LHFPL6: variants seen among roughly 807,000 people sequenced by gnomAD.
LHFPL6 encodes the protein LHFPL tetraspan subfamily member 6 protein.
LHFPL6 carries 9 observed loss-of-function variants against 20.6 expected under a neutral mutation model. The ratio of observed to expected loss-of-function variants is 0.44; its 90% CI spans 0.26 to 0.76. LHFPL6 has a LOEUF of 0.76. Ranked by LOEUF, LHFPL6 falls within the 30% of genes least tolerant of loss-of-function variation. The pLI is 0.20. For synonymous variants in LHFPL6, 105 were observed against 98.7 expected (o/e 1.06, Z -0.38); for missense variants, 218 against 253.5 (o/e 0.86, Z 0.95).
intron 2 of LHFPL6, among the ~76,000 whole-genome samples, chr13:39,406,385 T>C (rs186186897): frequency 3.2e-4 from 48 of 152,350 alleles, no homozygotes; most frequent in Admixed American, 2.9e-3. Flanking sequence ...ATATTAACAA[T>C]TGCTTTTAGG....
chr13:39,474,230 T>C (rs564028297), intron 2 of LHFPL6, among the ~76,000 whole-genome samples: 2 of 152,364 alleles, frequency 1.3e-5, no homozygotes, highest in South Asian at 4.1e-4. Context: ...AATATCACTT[T>C]GGAAAGAAAA....
rs532510360 is a variant in LHFPL6, at chr13:39,505,333, T to C, written c.385+95499A>G. On this transcript the variant is annotated intron_variant, in intron 2 of 3. Coordinates refer to ENST00000379589, the MANE Select transcript of LHFPL6 (RefSeq NM_005780.3). ...AATCTCAGTGGAACTCAGAACATAA[T>C]TGATGTCAGGAATCTGTCAACTCAA... is the stretch of plus-strand genomic sequence containing the variant. Among the ~76,000 whole-genome samples, 33 of 152,206 alleles carry C rather than the reference T, an allele frequency of 2.2e-4. No individual in the cohort carries two copies. The South Asian group carries it at 6.4e-3, about 30-fold the overall frequency.
chr13:39,438,435 C>T (rs1282269490), intron 2 of LHFPL6, among the ~76,000 whole-genome samples: 8 of 152,182 alleles, frequency 5.3e-5, no homozygotes, highest in African/African-American at 1.2e-4. Context: ...GGAAACTTTG[C>T]GTCTTGGCCA....
At chr13:39,381,394 GT>G (rs1870432582) in intron 2 of LHFPL6, among the ~76,000 whole-genome samples, 1 of 152,146 alleles carries the variant, frequency 6.6e-6, no homozygotes, top group Non-Finnish European at 1.5e-5. Context: ...ATTCTGGGTT[GT>G]TTTTGTGATA....
intron 2 of LHFPL6, among the ~76,000 whole-genome samples, chr13:39,465,855 G>A (rs576522105): frequency 2.0e-5 from 3 of 152,188 alleles, no homozygotes; most frequent in African/African-American, 7.2e-5. Context: ...CTGCAAAAGA[G>A]TCTAGCAGCA....
chr13:39,545,257 A>T (rs1870944438), intron 2 of LHFPL6, among the ~76,000 whole-genome samples: 1 of 151,164 alleles, frequency 6.6e-6, no homozygotes, highest in South Asian at 2.1e-4. Context: ...AAAAAAAAAA[A>T]AAAAAAAAAA....
chr13:39,591,362 T>C (rs1046517569), intron 2 of LHFPL6, among the ~76,000 whole-genome samples: 1 of 152,158 alleles, frequency 6.6e-6, no homozygotes. Context: ...CATCTAAGTA[T>C]AGCATGGAAA....
intron 2 of LHFPL6, among the ~76,000 whole-genome samples, chr13:39,572,298 G>C (rs1375702462): frequency 3.3e-5 from 5 of 150,190 alleles, no homozygotes; most frequent in Admixed American, 6.6e-5. Context: ...CTGTGTGTGT[G>C]TGTGTGTGTG....
chr13:39,395,364 G>C (rs1870815487), intron 2 of LHFPL6, among the ~76,000 whole-genome samples: 1 of 152,200 alleles, frequency 6.6e-6, no homozygotes, highest in South Asian at 2.1e-4. Context: ...TGGATCAGCT[G>C]AGACCATTTA....
chr13:39,571,836 C>T (rs983123298), intron 2 of LHFPL6, among the ~76,000 whole-genome samples: 15 of 152,242 alleles, frequency 9.9e-5, no homozygotes, highest in African/African-American at 3.1e-4. Context: ...CTCAAGGTGA[C>T]ATGCCTGGTC....
At chr13:39,512,612 A>AAAAAAAAAAAAAAG (rs1432715224) in intron 2 of LHFPL6, among the ~76,000 whole-genome samples, 2 of 125,640 alleles carry the variant, frequency 1.6e-5, no homozygotes, top group African/African-American at 6.4e-5. Context: ...AAAAAAAAAA[A>AAAAAAAAAAAAAAG]AAAGAAAAGA....
chr13:39,429,239 T>C (rs1871725519), intron 2 of LHFPL6, among the ~76,000 whole-genome samples: 1 of 151,578 alleles, frequency 6.6e-6, no homozygotes, highest in Non-Finnish European at 1.5e-5. Flanking sequence ...TCAAAATCTC[T>C]GACTATAATT....
In LHFPL6 at chr13:39,500,774, C is replaced by CA. The variant is rs1441214111; in HGVS notation, c.385+100057dup. On this transcript the variant is annotated intron_variant, in intron 2 of 3. Transcript: ENST00000379589. ...AAAAATTTGACACCTCTTTTAATTT[C>CA]AAAATAAATTAAGTATTCTGACCAA... 2.0e-5 allele frequency among the ~76,000 whole-genome samples: 3 copies of CA among 152,218 alleles called. No individual in the cohort carries two copies. The East Asian group carries it at 5.8e-4, about 29-fold the overall frequency.
Position 39,601,112 on chromosome 13 carries a change from T to A in LHFPL6, c.105A>T (p.Gly35=), listed in dbSNP as rs1285572563. 1 of 1,614,122 alleles carries A rather than the reference T, an allele frequency of 6.2e-7. No homozygotes were observed. Among genetic ancestry groups the A allele is most frequent in the Non-Finnish European group, 8.5e-7 (1 of 1,180,026 alleles). ...VGFFMPYWLW[G]SQLGKPVSFG... is the part of the protein sequence containing the mutation. ...AGGACACAGGCTTGCCCAGCTGTGA[T>A]CCCCAGAGCCAGTAAGGCATAAAGA... Residue 35 remains glycine, a synonymous_variant, in exon 2 of 4, where the codon GGA becomes GGT. Transcript: ENST00000379589.
intron 3 of LHFPL6, among the ~76,000 whole-genome samples, chr13:39,375,904 C>T (rs1870283544): frequency 6.6e-6 from 1 of 151,548 alleles, no homozygotes; most frequent in Non-Finnish European, 1.5e-5. Flanking sequence ...TTCTCATTAA[C>T]CAATCTAAGG....
At chr13:39,456,568 C>G (rs1310337221) in intron 2 of LHFPL6, among the ~76,000 whole-genome samples, 1 of 152,106 alleles carries the variant, frequency 6.6e-6, no homozygotes, top group Non-Finnish European at 1.5e-5. Context: ...ATGTAATCCA[C>G]CATACTAATA....
intron 2 of LHFPL6, among the ~76,000 whole-genome samples, chr13:39,588,348 A>C (rs1301110082): frequency 6.6e-6 from 1 of 152,190 alleles, no homozygotes; most frequent in Non-Finnish European, 1.5e-5. Flanking sequence ...GCCCTTAACC[A>C]CCAATCCCCT....
intron 2 of LHFPL6, among the ~76,000 whole-genome samples, chr13:39,575,426 G>A (rs1325319053): frequency 6.6e-6 from 1 of 152,140 alleles, no homozygotes; most frequent in Non-Finnish European, 1.5e-5. Flanking sequence ...AAAGATTAGT[G>A]TTAAAATTAA....
chr13:39,470,829 C>T (rs531808950), intron 2 of LHFPL6, among the ~76,000 whole-genome samples: 1 of 152,184 alleles, frequency 6.6e-6, no homozygotes, highest in East Asian at 1.9e-4. Flanking sequence ...TAATGCTTTT[C>T]GATTTATCTA....
Sources: allele counts gnomAD v4.1 joint callset (sites outside exome capture counted in the v4.1 genomes callset), GRCh38; gene constraint gnomAD v4.1.1; transcripts MANE v1.5; gene names NCBI Gene and HGNC (gene_info 2026-07-23, HGNC 2026-07-21).